PDE1A: variants seen among roughly 807,000 people sequenced by gnomAD.
The protein encoded by PDE1A is phosphodiesterase 1A.
In PDE1A, 35 loss-of-function variants were observed where a neutral mutation model predicts 61.7. That is an observed-to-expected ratio of 0.57 (90% CI 0.43 to 0.75). PDE1A has a LOEUF of 0.75. Among genes scored for constraint, PDE1A ranks in the 30% least tolerant of loss-of-function variants. The pLI is 0.00. For missense variants in PDE1A, 597 were observed against 630.6 expected (o/e 0.95, Z 0.57); for synonymous variants, 232 against 213.2 (o/e 1.09, Z -0.77).
chr2:182,546,739 G>C, the PDE1A span, among the ~76,000 whole-genome samples: 1 of 152,062 alleles, frequency 6.6e-6, no homozygotes, highest in Admixed American at 6.6e-5. Flanking sequence ...AATACCAGAG[G>C]AACAAGTCTG....
chr2:182,491,404 G>A (rs1688383406), intron 2 of PDE1A, among the ~76,000 whole-genome samples: 2 of 152,172 alleles, frequency 1.3e-5, no homozygotes, highest in Non-Finnish European at 2.9e-5. Context: ...ATGGGCACAT[G>A]GGAGGAGCAG....
At chr2:182,516,327 T>C (rs946488581) in intron 2 of PDE1A, among the ~76,000 whole-genome samples, 1 of 152,142 alleles carries the variant, frequency 6.6e-6, no homozygotes, top group Non-Finnish European at 1.5e-5. Context: ...ACTCCTACTT[T>C]TTCTTCTGCC....
At chr2:182,496,575 C>A (rs778164160) in intron 2 of PDE1A, among the ~76,000 whole-genome samples, 2 of 152,174 alleles carry the variant, frequency 1.3e-5, no homozygotes, top group East Asian at 3.8e-4. Flanking sequence ...AGGCTTCTAA[C>A]GTGAATTAGG....
chr2:182,415,867 C>A (rs577875482), intron 1 of PDE1A, among the ~76,000 whole-genome samples: 1 of 152,254 alleles, frequency 6.6e-6, no homozygotes, highest in South Asian at 2.1e-4. Context: ...TGTTTAAGGA[C>A]ATTCAAATCA....
chr2:182,489,641 T>C (rs1326404834), intron 2 of PDE1A, among the ~76,000 whole-genome samples: 1 of 152,230 alleles, frequency 6.6e-6, no homozygotes, highest in Non-Finnish European at 1.5e-5. Flanking sequence ...AGTGAAAGTC[T>C]CTCAAGCTTT....
At chr2:182,415,617 C>T (rs1702868162) in intron 1 of PDE1A, among the ~76,000 whole-genome samples, 1 of 152,104 alleles carries the variant, frequency 6.6e-6, no homozygotes, top group Admixed American at 6.6e-5. Context: ...ACTGCCTGAA[C>T]TTTATTTTTT....
the PDE1A span, among the ~76,000 whole-genome samples, chr2:182,639,829 A>C: frequency 8.1e-4 from 122 of 150,348 alleles, no homozygotes; most frequent in African/African-American, 2.9e-3. Context: ...TAAAGATATC[A>C]ATCATAAAAC....
chr2:182,247,185 CAT>C (rs924455930), intron 2 of PDE1A, among the ~76,000 whole-genome samples: 22 of 150,014 alleles, frequency 1.5e-4, no homozygotes, highest in Non-Finnish European at 2.7e-4. Context: ...TGTGGGGAAA[CAT>C]ATATATTTGG....
At chr2:182,285,360 A>C (rs1375057217) in intron 1 of PDE1A, among the ~76,000 whole-genome samples, 4 of 152,034 alleles carry the variant, frequency 2.6e-5, no homozygotes, top group African/African-American at 9.7e-5. Flanking sequence ...CCCTCTGCTA[A>C]GGACATTTAA....
intron 3 of PDE1A, among the ~76,000 whole-genome samples, chr2:182,238,591 A>G (rs1029222430): frequency 1.3e-5 from 2 of 152,248 alleles, no homozygotes; most frequent in African/African-American, 4.8e-5. Context: ...AGGATTGAAG[A>G]TGATTACTTT....
At chr2:182,552,138 G>A in the PDE1A span, among the ~76,000 whole-genome samples, 1 of 152,206 alleles carries the variant, frequency 6.6e-6, no homozygotes, top group East Asian at 1.9e-4. Context: ...ATCACATAAT[G>A]AACCCAAATA....
chr2:182,339,912 G>A (rs189526005), intron 1 of PDE1A, among the ~76,000 whole-genome samples: 184 of 152,006 alleles, frequency 1.2e-3, no homozygotes, highest in Non-Finnish European at 2.0e-3. Flanking sequence ...AATTTACTTA[G>A]GGCAAAGGGA....
chr2:182,290,558 T>C (rs1694460994), intron 1 of PDE1A, among the ~76,000 whole-genome samples: 1 of 151,886 alleles, frequency 6.6e-6, no homozygotes, highest in African/African-American at 2.4e-5. Context: ...GAATCCAGCC[T>C]CCCTCTGCTT....
chr2:182,158,789 C>T (rs1238475979), intron 13 of PDE1A, among the ~76,000 whole-genome samples: 1 of 152,142 alleles, frequency 6.6e-6, no homozygotes, highest in Non-Finnish European at 1.5e-5. Flanking sequence ...CACCATCTTC[C>T]CATGAAGACA....
chr2:182,219,005 A>T (rs937951735), intron 7 of PDE1A, among the ~76,000 whole-genome samples: 3 of 152,114 alleles, frequency 2.0e-5, no homozygotes, highest in Non-Finnish European at 2.9e-5. Context: ...AAGAGTGTTG[A>T]TACCATCCCT....
At chr2:182,370,300 C>T (rs976928023) in intron 1 of PDE1A, among the ~76,000 whole-genome samples, 7 of 151,940 alleles carry the variant, frequency 4.6e-5, no homozygotes, top group South Asian at 2.1e-4. Flanking sequence ...TGGAGATGAA[C>T]GAAATTAATA....
chr2:182,360,241 T>C (rs140710198), intron 1 of PDE1A, among the ~76,000 whole-genome samples: 1,911 of 152,240 alleles, frequency 0.013, 24 homozygotes, highest in South Asian at 0.048. Flanking sequence ...CATTATCTGA[T>C]GTGGAAGAAC....
At chr2:182,522,142 G>A (rs914684939) in intron 2 of PDE1A, 2 of 681,870 alleles carry the variant, frequency 2.9e-6, no homozygotes, top group Non-Finnish European at 5.1e-6. Flanking sequence ...TGTTAGCTGA[G>A]GTAGGCACAT....
rs540834839 is a variant in PDE1A at position 182,277,258 on chromosome 2, C to T, written c.54-12844G>A. 2.4e-4 allele frequency among the ~76,000 whole-genome samples: 36 copies of T among 152,166 alleles called. No individual in the cohort carries two copies. The East Asian group carries it at 6.8e-3, about 29-fold the overall frequency. ...GGCTCAGTTGGGCATCATGGTCCTACTGATATGTGATGTCACCCCTGGAGT... is the reference window on the plus strand; with the variant it reads ...GGCTCAGTTGGGCATCATGGTCCTATTGATATGTGATGTCACCCCTGGAGT... On this transcript the variant is annotated intron_variant, in intron 1 of 13. Transcript: ENST00000351439.
Sources: gnomAD v4.1 joint callset for allele counts (sites outside exome capture counted in the v4.1 genomes callset) on GRCh38, gnomAD v4.1.1 for gene constraint, MANE v1.5 for transcripts, NCBI Gene and HGNC (gene_info 2026-07-23, HGNC 2026-07-21) for gene names.